Variants in MCC observed in about 807,000 individuals in gnomAD.
The protein encoded by MCC is MCC regulator of Wnt signaling pathway.
A neutral mutation model predicts 116.2 loss-of-function variants in MCC; 90 were observed. The observed-to-expected ratio is 0.77, with a 90% CI of 0.65 to 0.92. MCC has a LOEUF of 0.92. Ranked by LOEUF, MCC falls within the 40% of genes least tolerant of loss-of-function variation. The pLI is 0.00. For missense variants in MCC, 1,516 were observed against 1,312.2 expected (o/e 1.16, Z -2.40); for synonymous variants, 578 against 510.5 (o/e 1.13, Z -1.78).
At chr5:113,178,961 G>A (rs1761475247) in intron 3 of MCC, among the ~76,000 whole-genome samples, 1 of 152,248 alleles carries the variant, frequency 6.6e-6, no homozygotes, top group Admixed American at 6.5e-5. Context: ...CCAGGTAACT[G>A]TTAAGACTTA....
intron 3 of MCC, among the ~76,000 whole-genome samples, chr5:113,238,157 T>C (rs1020915012): frequency 6.6e-6 from 1 of 152,182 alleles, no homozygotes; most frequent in Non-Finnish European, 1.5e-5. Flanking sequence ...TAAACTCAGA[T>C]GCAAAAATTA....
intron 5 of MCC, among the ~76,000 whole-genome samples, chr5:113,127,571 G>C (rs568610578): frequency 6.6e-6 from 1 of 152,306 alleles, no homozygotes; most frequent in East Asian, 1.9e-4. Context: ...GTGTGTCACT[G>C]TGGTTTTGAT....
chr5:113,269,704 A>G (rs1026903539), intron 3 of MCC, among the ~76,000 whole-genome samples: 43 of 152,312 alleles, frequency 2.8e-4, no homozygotes, highest in African/African-American at 1.0e-3. Context: ...AAAGGGCCTA[A>G]TTTACCTAGT....
intron 5 of MCC, among the ~76,000 whole-genome samples, chr5:113,126,109 A>G (rs1187763561): frequency 6.6e-6 from 1 of 152,222 alleles, no homozygotes; most frequent in Non-Finnish European, 1.5e-5. Context: ...TTCCAAATGC[A>G]TATTCTTTCA....
At chr5:113,194,563 C>A (rs1162687996) in intron 3 of MCC, among the ~76,000 whole-genome samples, 2 of 152,130 alleles carry the variant, frequency 1.3e-5, no homozygotes, top group Non-Finnish European at 2.9e-5. Flanking sequence ...AAAGCTGATG[C>A]AAGAGGATCA....
At chr5:113,458,983 C>G (rs1157169511) in intron 1 of MCC, among the ~76,000 whole-genome samples, 6 of 152,168 alleles carry the variant, frequency 3.9e-5, no homozygotes, top group African/African-American at 1.4e-4. Context: ...AATAGACCCT[C>G]ATCCTCACAT....
At chr5:113,389,262 G>C (rs145183064) in intron 1 of MCC, among the ~76,000 whole-genome samples, 33 of 152,266 alleles carry the variant, frequency 2.2e-4, no homozygotes, top group Middle Eastern at 3.4e-3. Flanking sequence ...ATGACGTACA[G>C]TCCCCTGTGA....
At chr5:113,187,836 G>A (rs1028115890) in intron 3 of MCC, among the ~76,000 whole-genome samples, 1 of 150,702 alleles carries the variant, frequency 6.6e-6, no homozygotes, top group African/African-American at 2.4e-5. Flanking sequence ...GAACATCAAA[G>A]ACTCTCTCAC....
intron 1 of MCC, among the ~76,000 whole-genome samples, chr5:113,466,077 T>G: frequency 6.6e-6 from 1 of 151,862 alleles, no homozygotes; most frequent in East Asian, 1.9e-4. Flanking sequence ...GATGGGACTA[T>G]AGGGAACAGT....
intron 3 of MCC, among the ~76,000 whole-genome samples, chr5:113,219,865 T>G (rs571700925): frequency 6.6e-6 from 1 of 152,022 alleles, no homozygotes; most frequent in Admixed American, 6.6e-5. Flanking sequence ...CTATGCCATT[T>G]TCTACTGTAT....
intron 11 of MCC, among the ~76,000 whole-genome samples, chr5:113,072,382 T>C (rs1226208837): frequency 6.6e-6 from 1 of 152,248 alleles, no homozygotes. Context: ...TTTCTGCCCC[T>C]GTTCACATTA....
intron 14 of MCC, among the ~76,000 whole-genome samples, chr5:113,059,597 G>A (rs1465332931): frequency 1.3e-5 from 2 of 152,248 alleles, no homozygotes; most frequent in Non-Finnish European, 2.9e-5. Context: ...TGTTCTCTGA[G>A]AGCGACTGTG....
At chr5:113,415,519 A>G (rs1580348369) in intron 1 of MCC, among the ~76,000 whole-genome samples, 1 of 151,846 alleles carries the variant, frequency 6.6e-6, no homozygotes. Flanking sequence ...CATTAATTTG[A>G]TCTTCAATCA....
chr5:113,382,014 A>G (rs1769136880), intron 2 of MCC, among the ~76,000 whole-genome samples: 1 of 152,210 alleles, frequency 6.6e-6, no homozygotes. Context: ...CAGAAAAGGA[A>G]TCTTTGGATT....
chr5:113,407,118 G>A (rs940785241), intron 1 of MCC, among the ~76,000 whole-genome samples: 1 of 152,134 alleles, frequency 6.6e-6, no homozygotes, highest in East Asian at 1.9e-4. Context: ...TAACTCTAGA[G>A]TAAGTTAAAA....
chr5:113,140,212 T>C (rs527791223), intron 5 of MCC, among the ~76,000 whole-genome samples: 1 of 152,266 alleles, frequency 6.6e-6, no homozygotes, highest in African/African-American at 2.4e-5. Context: ...TAAAGATGAA[T>C]GAAGTAGGAA....
intron 3 of MCC, among the ~76,000 whole-genome samples, chr5:113,248,688 T>C (rs935759547): frequency 6.6e-6 from 1 of 152,194 alleles, no homozygotes; most frequent in African/African-American, 2.4e-5. Context: ...AAGAAGGGTC[T>C]TGAATAGCAA....
At chr5:113,230,862 A>T (rs963741710) in intron 3 of MCC, among the ~76,000 whole-genome samples, 3 of 152,198 alleles carry the variant, frequency 2.0e-5, no homozygotes, top group African/African-American at 7.2e-5. Context: ...GAGCTGTATT[A>T]CTACAGAGGA....
At chr5:113,171,789 G>C (rs1187293435) in intron 3 of MCC, among the ~76,000 whole-genome samples, 6 of 152,140 alleles carry the variant, frequency 3.9e-5, no homozygotes, top group Admixed American at 3.3e-4. Context: ...GAATCTGTGA[G>C]GTTTCTAGCT....
Sources: gnomAD v4.1 joint callset for allele counts (sites outside exome capture counted in the v4.1 genomes callset) on GRCh38, gnomAD v4.1.1 for gene constraint, MANE v1.5 for transcripts, NCBI Gene and HGNC (gene_info 2026-07-23, HGNC 2026-07-21) for gene names.